Variants in SYT1 observed in about 807,000 individuals in gnomAD.
SYT1 encodes synaptotagmin-1.
Under a neutral mutation model 44.8 loss-of-function variants are expected in SYT1, and 8 were observed. The observed-to-expected ratio is 0.18, with a 90% CI of 0.10 to 0.32. The LOEUF (loss-of-function observed/expected upper bound fraction) is 0.32, where lower values mean the gene tolerates loss of function less well. SYT1 is among the 10% of genes least tolerant of loss of function. The probability of loss-of-function intolerance (pLI) is 1.00; values close to 1 mark genes in which losing one functional copy is unlikely to be tolerated. For missense variants in SYT1, 286 were observed against 509.3 expected (o/e 0.56, Z 4.22); for synonymous variants, 154 against 188.8 (o/e 0.82, Z 1.51).
chr12:79,289,048 T>C (rs1879447772), intron 5 of SYT1, among the ~76,000 whole-genome samples: 1 of 152,202 alleles, frequency 6.6e-6, no homozygotes, highest in Non-Finnish European at 1.5e-5. Context: ...AGTTTTAAGT[T>C]GATGGACACA....
intron 3 of SYT1, among the ~76,000 whole-genome samples, chr12:79,107,385 A>C (rs899015842): frequency 3.9e-5 from 6 of 151,978 alleles, no homozygotes; most frequent in Admixed American, 6.6e-5. Flanking sequence ...AGCATGAAAA[A>C]ATGTAGTACA....
chr12:79,113,956 A>G (rs1879147059), intron 3 of SYT1, among the ~76,000 whole-genome samples: 1 of 152,088 alleles, frequency 6.6e-6, no homozygotes, highest in African/African-American at 2.4e-5. Context: ...CGTTCATTCA[A>G]CCAAGGCTTT....
intron 4 of SYT1, among the ~76,000 whole-genome samples, chr12:79,270,946 C>T (rs1282013247): frequency 4.6e-5 from 7 of 152,192 alleles, no homozygotes; most frequent in Non-Finnish European, 8.8e-5. Flanking sequence ...CGTAGAACCG[C>T]ATAGAGCCTG....
intron 1 of SYT1, among the ~76,000 whole-genome samples, chr12:78,871,676 A>C (rs1165823858): frequency 6.6e-6 from 1 of 152,014 alleles, no homozygotes; most frequent in East Asian, 1.9e-4. Flanking sequence ...TATTAGGAAG[A>C]AAAGTTGACA....
intron 9 of SYT1, among the ~76,000 whole-genome samples, chr12:79,354,848 GA>G (rs1289084572): frequency 2.0e-5 from 3 of 152,168 alleles, no homozygotes; most frequent in Non-Finnish European, 2.9e-5. Flanking sequence ...GGTAACTTCA[GA>G]CACCTTTAAC....
At chr12:79,126,450 G>A (rs543373886) in intron 3 of SYT1, among the ~76,000 whole-genome samples, 5 of 152,136 alleles carry the variant, frequency 3.3e-5, no homozygotes, top group South Asian at 2.1e-4. Flanking sequence ...TAGTAGAGAC[G>A]GGATTTCACC....
intron 2 of SYT1, among the ~76,000 whole-genome samples, chr12:78,981,381 C>T (rs973056254): frequency 6.6e-6 from 1 of 152,058 alleles, no homozygotes; most frequent in Non-Finnish European, 1.5e-5. Context: ...CCACCTTGGC[C>T]TCCCAAAGTT....
At chr12:78,875,943 T>C (rs1033319495) in intron 1 of SYT1, among the ~76,000 whole-genome samples, 1 of 151,662 alleles carries the variant, frequency 6.6e-6, no homozygotes, top group East Asian at 1.9e-4. Context: ...TCTTTCCCTT[T>C]CCCCTCATTT....
intron 4 of SYT1, among the ~76,000 whole-genome samples, chr12:79,269,874 T>A (rs1878329720): frequency 6.6e-6 from 1 of 152,210 alleles, no homozygotes; most frequent in South Asian, 2.1e-4. Flanking sequence ...TTGAAGCCAT[T>A]TTAGGCTATA....
chr12:79,017,319 T>G (rs1871871577), intron 2 of SYT1, among the ~76,000 whole-genome samples: 1 of 152,248 alleles, frequency 6.6e-6, no homozygotes, highest in Non-Finnish European at 1.5e-5. Flanking sequence ...GCAAAATAAT[T>G]AATCATAGTC....
intron 2 of SYT1, among the ~76,000 whole-genome samples, chr12:78,985,436 A>G (rs192750920): frequency 1.3e-5 from 2 of 151,960 alleles, no homozygotes; most frequent in East Asian, 3.9e-4. Context: ...CTGAATACAT[A>G]GAATAATCAG....
At chr12:79,077,861 A>T (rs1048941819) in intron 3 of SYT1, among the ~76,000 whole-genome samples, 2 of 152,120 alleles carry the variant, frequency 1.3e-5, no homozygotes, top group African/African-American at 4.8e-5. Flanking sequence ...TGCCCTTTTT[A>T]AAAAATTGTA....
At chr12:79,171,682 A>G (rs1349107237) in intron 3 of SYT1, among the ~76,000 whole-genome samples, 1 of 145,172 alleles carries the variant, frequency 6.9e-6, no homozygotes, top group Non-Finnish European at 1.5e-5. Context: ...GGTACACAGT[A>G]AAAAAAAAAT....
At chr12:79,246,683 C>A (rs1440182971) in intron 4 of SYT1, among the ~76,000 whole-genome samples, 1 of 152,160 alleles carries the variant, frequency 6.6e-6, no homozygotes, top group Non-Finnish European at 1.5e-5. Flanking sequence ...AAGGGAGGAG[C>A]CCTCATGACT....
At chr12:79,025,600 CAT>C (rs1872476154) in intron 2 of SYT1, among the ~76,000 whole-genome samples, 1 of 151,508 alleles carries the variant, frequency 6.6e-6, no homozygotes, top group African/African-American at 2.4e-5. Context: ...CATACACACA[CAT>C]ATAACACATA....
intron 4 of SYT1, among the ~76,000 whole-genome samples, chr12:79,256,048 T>C (rs776596487): frequency 6.6e-6 from 1 of 152,234 alleles, no homozygotes; most frequent in Non-Finnish European, 1.5e-5. Context: ...GAATAGTGGC[T>C]TACGTGTTCT....
rs73352958 is a variant in SYT1, at chr12:79,324,573, A to G, written c.810+25022A>G. ...CAAAAATTATCCAGCAGATTGTTCA[A>G]GAGAGGCATTTAATATTTGTCTTTA... is the stretch of plus-strand genomic sequence containing the variant. On this transcript the variant is annotated intron_variant, in intron 8 of 10. Transcript: ENST00000261205. Among the ~76,000 whole-genome samples, 1,021 of 152,332 alleles carry G rather than the reference A, an allele frequency of 6.7e-3. 9 individuals carry two copies. Among genetic ancestry groups the G allele is most frequent in the African/African-American group, 0.023 (966 of 41,572 alleles).
chr12:79,061,921 TC>T (rs1274816778), intron 3 of SYT1, among the ~76,000 whole-genome samples: 6 of 152,176 alleles, frequency 3.9e-5, no homozygotes, highest in Non-Finnish European at 1.5e-5. Flanking sequence ...TTCTGCTTAA[TC>T]TACCATTCTG....
intron 2 of SYT1, among the ~76,000 whole-genome samples, chr12:79,016,483 G>A (rs1871814781): frequency 6.6e-6 from 1 of 152,106 alleles, no homozygotes; most frequent in South Asian, 2.1e-4. Flanking sequence ...ATAAATTGGG[G>A]AGGGAGAGCA....
Sources: allele counts gnomAD v4.1 joint callset (sites outside exome capture counted in the v4.1 genomes callset), GRCh38; gene constraint gnomAD v4.1.1; transcripts MANE v1.5; gene names NCBI Gene and HGNC (gene_info 2026-07-23, HGNC 2026-07-21).